The following CENPP variants were observed in gnomAD, a reference collection of about 807,000 sequenced individuals.
CENPP encodes centromere protein P.
A neutral mutation model predicts 35.6 loss-of-function variants in CENPP; 24 were observed. That is an observed-to-expected ratio of 0.67 (90% CI 0.49 to 0.95). The LOEUF is 0.95. Among genes scored for constraint, CENPP ranks in the 40% least tolerant of loss-of-function variants. The pLI, the probability that CENPP is intolerant of heterozygous loss-of-function variation, is 0.00. For synonymous variants in CENPP, 120 were observed against 125.5 expected, an observed-to-expected ratio of 0.96 and a Z score of 0.29; for missense variants, 332 against 345.3, an observed-to-expected ratio of 0.96 and a Z score of 0.31.
Position 92,389,976 on chromosome 9 carries a change from C to T in CENPP, c.564+10117C>T. ...TGATTTTCAGCAAGTGAAAGTTCTT[C>T]TAACAGAGAAAGTTTTGAAAAAGTA... On this transcript the variant is annotated intron_variant, in intron 5 of 7. Transcript: ENST00000375587. 1.9e-6 allele frequency: 3 copies of T among 1,610,694 alleles called. No individual in the cohort carries two copies. The South Asian group carries it at 3.3e-5, about 18-fold the overall frequency.
In CENPP at chr9:92,567,369, GAT is replaced by G. The variant is rs888840109; in HGVS notation, c.565-43943_565-43942del. Among the ~76,000 whole-genome samples the G allele has an allele frequency of 1.1e-3, 114 of 104,104 alleles. 1 individual carries two copies. Among genetic ancestry groups the G allele is most frequent in the Non-Finnish European group, 1.1e-3 (51 of 44,546 alleles). 68.3% of individuals were successfully genotyped at this position (104,104 alleles called of 152,430 possible). On this transcript the variant is annotated intron_variant, in intron 5 of 7. Coordinates refer to ENST00000375587, the MANE Select transcript of CENPP (RefSeq NM_001012267.3). ...ATTTATGGGGTATACAGTTACATAA[GAT>G]AGATATATATATATATATATATATA...
intron 5 of CENPP, among the ~76,000 whole-genome samples, chr9:92,510,775 G>A (rs1175625738): frequency 1.3e-5 from 2 of 152,190 alleles, no homozygotes; most frequent in Non-Finnish European, 1.5e-5. Flanking sequence ...AGAAAAGGAG[G>A]TAATCTCTTA....
At chr9:92,512,177 T>C (rs1016387145) in intron 5 of CENPP, 2 of 1,248,610 alleles carry the variant, frequency 1.6e-6, no homozygotes, top group African/African-American at 1.5e-5. Context: ...TACATACATG[T>C]ACACACATGT....
chr9:92,524,912 G>A (rs1848300644), intron 5 of CENPP, among the ~76,000 whole-genome samples: 1 of 152,172 alleles, frequency 6.6e-6, no homozygotes, highest in African/African-American at 2.4e-5. Flanking sequence ...TCAAGGTGAT[G>A]TTACATACAG....
At chr9:92,479,066 C>T (rs879944505) in intron 5 of CENPP, among the ~76,000 whole-genome samples, 3 of 152,140 alleles carry the variant, frequency 2.0e-5, no homozygotes, top group Non-Finnish European at 4.4e-5. Context: ...TTCCCCAGTA[C>T]TGAGCTGAGG....
At chr9:92,507,626 A>G (rs1480126237) in intron 5 of CENPP, among the ~76,000 whole-genome samples, 1 of 152,206 alleles carries the variant, frequency 6.6e-6, no homozygotes, top group African/African-American at 2.4e-5. Flanking sequence ...TGGACATGGC[A>G]GGTGCCTCGA....
At chr9:92,477,349 G>A (rs1254340110) in intron 5 of CENPP, among the ~76,000 whole-genome samples, 4 of 152,124 alleles carry the variant, frequency 2.6e-5, no homozygotes, top group Non-Finnish European at 5.9e-5. Context: ...CTGTTGTGTG[G>A]CTCCTGACTC....
chr9:92,336,179 T>C (rs1295717401), intron 2 of CENPP, among the ~76,000 whole-genome samples: 1 of 152,224 alleles, frequency 6.6e-6, no homozygotes, highest in African/African-American at 2.4e-5. Flanking sequence ...TTTCTGATAG[T>C]TTCCTCTTGA....
At chr9:92,392,732 A>C in intron 5 of CENPP, among the ~76,000 whole-genome samples, 1 of 152,188 alleles carries the variant, frequency 6.6e-6, no homozygotes, top group Non-Finnish European at 1.5e-5. Flanking sequence ...TTTATAGTCC[A>C]GGTAGAAAAT....
chr9:92,603,431 G>A (rs1292536485), intron 5 of CENPP, among the ~76,000 whole-genome samples: 1 of 152,208 alleles, frequency 6.6e-6, no homozygotes, highest in Admixed American at 6.5e-5. Context: ...CCTTTCTGAA[G>A]TTTATCATAC....
chr9:92,522,568 C>G, intron 5 of CENPP: 1 of 1,600,790 alleles, frequency 6.2e-7, no homozygotes, highest in South Asian at 1.1e-5. Context: ...TCATAGTGTT[C>G]TCTTACCTGG....
chr9:92,423,942 A>C (rs1379720591), intron 5 of CENPP, among the ~76,000 whole-genome samples: 4 of 151,512 alleles, frequency 2.6e-5, no homozygotes, highest in Admixed American at 2.6e-4. Flanking sequence ...CTTTCCTTTC[A>C]TTCAAAGTAA....
intron 5 of CENPP, among the ~76,000 whole-genome samples, chr9:92,423,064 C>T (rs1843861504): frequency 2.0e-5 from 3 of 152,192 alleles, no homozygotes; most frequent in South Asian, 4.1e-4. Flanking sequence ...GCAAATGCTT[C>T]TCTCTACTAA....
intron 5 of CENPP, among the ~76,000 whole-genome samples, chr9:92,602,134 G>A (rs569165558): frequency 7.6e-4 from 115 of 152,304 alleles, no homozygotes; most frequent in African/African-American, 2.7e-3. Context: ...GCAGTTTACA[G>A]GAGCTCATAC....
intron 5 of CENPP, among the ~76,000 whole-genome samples, chr9:92,574,217 C>A (rs1850224257): frequency 6.6e-6 from 1 of 152,036 alleles, no homozygotes; most frequent in Non-Finnish European, 1.5e-5. Context: ...CTTGGAACCT[C>A]CCCCCAGAAT....
chr9:92,338,038 A>T (rs1435150430), intron 3 of CENPP, among the ~76,000 whole-genome samples: 2 of 152,138 alleles, frequency 1.3e-5, no homozygotes, highest in African/African-American at 4.8e-5. Context: ...TAGGCCAAAC[A>T]TGGTGGCTCA....
chr9:92,504,928 C>CA (rs2131166819), intron 5 of CENPP, among the ~76,000 whole-genome samples: 1 of 152,312 alleles, frequency 6.6e-6, no homozygotes, highest in African/African-American at 2.4e-5. Context: ...GGAGACCACA[C>CA]ATCTGGGGAC....
Position 92,615,063 on chromosome 9 carries a change from TCA to T in CENPP, c.*1917_*1918del, listed in dbSNP as rs1315259393. The T allele has an allele frequency of 6.6e-6, 1 of 152,208 alleles. No individual in the cohort carries two copies. The highest frequency in any genetic ancestry group is 1.5e-5 in the Non-Finnish European group (1 of 68,084). The allele number at this position is 152,208 out of a possible 1,614,324, so 9.4% of individuals were successfully genotyped here. ...AGCCCGGCCACAGCAGCTCAGCCAGTCACAGCTCCACCTCCAACTTCTACAGC... is the reference window on the plus strand; with the variant it reads ...AGCCCGGCCACAGCAGCTCAGCCAGTCAGCTCCACCTCCAACTTCTACAGC... On this transcript the variant is annotated 3_prime_UTR_variant, in exon 8 of 8. Coordinates refer to ENST00000375587, the MANE Select transcript of CENPP (RefSeq NM_001012267.3).
At chr9:92,522,909 A>C in intron 5 of CENPP, 1 of 1,549,992 alleles carries the variant, frequency 6.5e-7, no homozygotes, top group Non-Finnish European at 8.6e-7. Context: ...ATGAAACAAT[A>C]TTTCAAAGTT....
Sources: allele counts gnomAD v4.1 joint callset (sites outside exome capture counted in the v4.1 genomes callset), GRCh38; gene constraint gnomAD v4.1.1; transcripts MANE v1.5; gene names NCBI Gene and HGNC (gene_info 2026-07-23, HGNC 2026-07-21).